Variants in PSD2 observed in about 807,000 individuals in gnomAD.
The protein encoded by PSD2 is PH and SEC7 domain-containing protein 2.
In PSD2, 38 loss-of-function variants were observed where a neutral mutation model predicts 69.8. The ratio of observed to expected loss-of-function variants is 0.54; its 90% CI spans 0.42 to 0.71. The LOEUF (loss-of-function observed/expected upper bound fraction) is 0.71, where lower values mean the gene tolerates loss of function less well. PSD2 is among the 30% of genes least tolerant of loss of function. The pLI is 0.00. For missense variants in PSD2, 943 were observed against 1,014.5 expected (o/e 0.93, Z 0.96); for synonymous variants, 412 against 423.0 (o/e 0.97, Z 0.32).
chr5:139,742,982 GA>G, the PSD2 span, among the ~76,000 whole-genome samples: 1 of 152,330 alleles, frequency 6.6e-6, no homozygotes, highest in South Asian at 2.1e-4. Flanking sequence ...GTAGTGGTTG[GA>G]TCATGAAGAG....
chr5:139,796,940 G>A (rs1314831001), intron 1 of PSD2, among the ~76,000 whole-genome samples: 2 of 152,098 alleles, frequency 1.3e-5, no homozygotes, highest in African/African-American at 4.8e-5. Flanking sequence ...GCCAGGGCAG[G>A]TGGGCAGCCT....
chr5:139,783,961 T>TTC, the PSD2 span, among the ~76,000 whole-genome samples: 1 of 144,060 alleles, frequency 6.9e-6, no homozygotes, highest in South Asian at 2.3e-4. Context: ...TTTTTTTTTT[T>TTC]TTAGACAGGG....
chr5:139,756,119 G>C, the PSD2 span, among the ~76,000 whole-genome samples: 1 of 152,180 alleles, frequency 6.6e-6, no homozygotes, highest in African/African-American at 2.4e-5. Context: ...AGTCGGCGGC[G>C]GCTTTGTGTG....
At chr5:139,759,258 G>C in the PSD2 span, among the ~76,000 whole-genome samples, 1 of 152,078 alleles carries the variant, frequency 6.6e-6, no homozygotes, top group Non-Finnish European at 1.5e-5. Context: ...GCCTCTGGAC[G>C]CTGAAAAATC....
the PSD2 span, among the ~76,000 whole-genome samples, chr5:139,769,101 G>A: frequency 2.0e-5 from 3 of 152,260 alleles, no homozygotes; most frequent in African/African-American, 4.8e-5. Context: ...ACCCAGCCTG[G>A]TGGGTTGGGG....
At chr5:139,748,399 C>A in the PSD2 span, among the ~76,000 whole-genome samples, 1 of 152,186 alleles carries the variant, frequency 6.6e-6, no homozygotes, top group African/African-American at 2.4e-5. Context: ...GTACCCTAGG[C>A]CCCCGGTAAT....
At chr5:139,764,210 T>TGGGG in the PSD2 span, among the ~76,000 whole-genome samples, 1 of 152,022 alleles carries the variant, frequency 6.6e-6, no homozygotes, top group African/African-American at 2.4e-5. Flanking sequence ...GGCTGCGAGA[T>TGGGG]GGGGAGGGAG....
chr5:139,766,920 CCTTCCTTCCCTTCTTTCTTTCTTTCTTT>C, the PSD2 span, among the ~76,000 whole-genome samples: 15 of 30,920 alleles, frequency 4.9e-4, 1 homozygote, highest in Admixed American at 2.2e-3. Context: ...TTCCTTCCTT[CCTTCCTTCCCTTCTTTCTTTCTTTCTTT>C]CTTTCTTTCT....
At chr5:139,838,276 G>A (rs569232260) in intron 12 of PSD2, among the ~76,000 whole-genome samples, 14 of 152,178 alleles carry the variant, frequency 9.2e-5, no homozygotes, top group African/African-American at 1.2e-4. Context: ...GGCAGGCAGC[G>A]GGGGAGGGCA....
In PSD2 at chr5:139,809,406, A is replaced by C; in HGVS notation, c.-35A>C. ...CCACTGCCAGGTCTAGAGGAGTCCC[A>C]GGAGCAGCCAGGACAGGCGGAAGCA... On this transcript the variant is annotated 5_prime_UTR_variant, in exon 2 of 15. Coordinates refer to ENST00000274710, the MANE Select transcript of PSD2 (RefSeq NM_032289.4). The C allele has an allele frequency of 6.3e-7, 1 of 1,597,242 alleles. No homozygotes were observed. The highest frequency in any genetic ancestry group is 8.5e-7 in the Non-Finnish European group (1 of 1,174,448).
intron 6 of PSD2, 38 bp downstream of exon 6, chr5:139,822,043 C>A: frequency 2.2e-6 from 3 of 1,367,710 alleles, no homozygotes; most frequent in Non-Finnish European, 3.1e-6. Context: ...CCCTCCCCAC[C>A]CACTCAGCCA....
At chr5:139,824,553 C>T (rs138804157) in intron 7 of PSD2, among the ~76,000 whole-genome samples, 3,448 of 152,098 alleles carry the variant, frequency 0.023, 68 homozygotes, top group East Asian at 0.066. Flanking sequence ...CCTGCCACCA[C>T]GCCCGGCTAA....
At chr5:139,793,248 C>T (rs1759451247), upstream of PSD2, among the ~76,000 whole-genome samples, 1 of 152,146 alleles carries the variant, frequency 6.6e-6, no homozygotes, top group Non-Finnish European at 1.5e-5. Flanking sequence ...CCAGCCTGAC[C>T]CTGCTGTCTT....
In PSD2 at chr5:139,796,246, C is replaced by T. The variant is rs556692967; in HGVS notation, c.-51+271C>T. On this transcript the variant is annotated intron_variant, in intron 1 of 14. Coordinates refer to ENST00000274710, the MANE Select transcript of PSD2 (RefSeq NM_032289.4). ...GGAGAGGGGGCGCCGCGGGAAAGCC[C>T]GAGCCCAGCCTGAGGGACGGTGGGG... Among the ~76,000 whole-genome samples the T allele has an allele frequency of 1.8e-4, 27 of 152,314 alleles. No individual in the cohort carries two copies. The East Asian group carries it at 4.4e-3, about 25-fold the overall frequency.
the PSD2 span, among the ~76,000 whole-genome samples, chr5:139,771,717 A>G: frequency 6.6e-6 from 1 of 152,104 alleles, no homozygotes; most frequent in Non-Finnish European, 1.5e-5. Context: ...CAGCTGGTGC[A>G]AGGTCTGGCT....
At chr5:139,776,297 A>G in the PSD2 span, among the ~76,000 whole-genome samples, 1 of 152,220 alleles carries the variant, frequency 6.6e-6, no homozygotes, top group East Asian at 1.9e-4. Flanking sequence ...GGTCCCCCTA[A>G]AAAACCCAGC....
At chr5:139,833,898 G>A in intron 8 of PSD2, 107 bp downstream of exon 8, 2 of 833,240 alleles carry the variant, frequency 2.4e-6, no homozygotes, top group Admixed American at 1.8e-5. Context: ...GTTAACACAG[G>A]GTGCAGGGCC....
chr5:139,783,209 A>G, the PSD2 span, among the ~76,000 whole-genome samples: 3 of 152,154 alleles, frequency 2.0e-5, no homozygotes, highest in African/African-American at 4.8e-5. Context: ...CGGAGGTGGG[A>G]GGATCGCTTG....
At chr5:139,831,823 AC>A (rs1474342167) in intron 7 of PSD2, among the ~76,000 whole-genome samples, 4 of 152,158 alleles carry the variant, frequency 2.6e-5, no homozygotes, top group Admixed American at 1.3e-4. Flanking sequence ...CATCTGGGAT[AC>A]TTTTTCTTCT....
Sources: allele counts gnomAD v4.1 joint callset (sites outside exome capture counted in the v4.1 genomes callset), GRCh38; gene constraint gnomAD v4.1.1; transcripts MANE v1.5; gene names NCBI Gene and HGNC (gene_info 2026-07-23, HGNC 2026-07-21).